Variants in GRM7 observed in about 807,000 individuals in gnomAD.
GRM7 encodes metabotropic glutamate receptor 7.
Under a neutral mutation model 84.5 loss-of-function variants are expected in GRM7, and 35 were observed. The ratio of observed to expected loss-of-function variants is 0.41; its 90% CI spans 0.32 to 0.55. GRM7 has a LOEUF of 0.55. Ranked by LOEUF, GRM7 falls within the 20% of genes least tolerant of loss-of-function variation. The pLI, the probability that GRM7 is intolerant of heterozygous loss-of-function variation, is 0.19. For synonymous variants in GRM7, 487 were observed against 455.1 expected (o/e 1.07, Z -0.89); for missense variants, 1,003 against 1,194.6 (o/e 0.84, Z 2.36).
Position 7,656,518 on chromosome 3 carries a change from A to ATAT in GRM7, c.2452-23531_2452-23530insTAT, listed in dbSNP as rs1298850673. ...CTCAAAAAACAAACAAACAAATAAA[A>ATAT]AAAAATATATATATATATATACGCG... On this transcript the variant is annotated intron_variant, in intron 8 of 9. Coordinates refer to ENST00000357716, the MANE Select transcript of GRM7 (RefSeq NM_000844.4). Among the ~76,000 whole-genome samples, 411 of 93,280 alleles carry ATAT rather than the reference A, an allele frequency of 4.4e-3. 9 individuals carry two copies. In the East Asian group the frequency reaches 0.077, roughly 17 times the overall value. 61.2% of individuals were successfully genotyped at this position (93,280 alleles called of 152,430 possible).
chr3:7,099,841 A>G lies in GRM7; in HGVS notation c.520-46611A>G, dbSNP rs1157904893. Among the ~76,000 whole-genome samples the G allele has an allele frequency of 2.2e-5, 3 of 138,810 alleles. No individual in the cohort carries two copies. The East Asian group carries it at 6.2e-4, about 29-fold the overall frequency. 91.1% of individuals were successfully genotyped at this position (138,810 alleles called of 152,430 possible). A position where few individuals can be genotyped will look rare whatever the true frequency, so the allele number is the denominator to read the frequency against. On this transcript the variant is annotated intron_variant, in intron 1 of 9. Transcript: ENST00000357716. ...CATGTGCACATACATGTATATGTAC[A>G]CGCATTATACATGTGCACATATATG...
chr3:6,891,311 C>G (rs1233130021), intron 1 of GRM7, among the ~76,000 whole-genome samples: 1 of 152,176 alleles, frequency 6.6e-6, no homozygotes, highest in Non-Finnish European at 1.5e-5. Context: ...TTAGTTGATG[C>G]AGTTTCTTCC....
intron 2 of GRM7, among the ~76,000 whole-genome samples, chr3:7,231,069 T>C (rs563894113): frequency 1.3e-4 from 20 of 152,210 alleles, no homozygotes; most frequent in Admixed American, 4.6e-4. Flanking sequence ...GGGGAAGGAA[T>C]TGGGTGGTAG....
At chr3:7,732,367 C>T (rs909224023) in intron 9 of GRM7, among the ~76,000 whole-genome samples, 2 of 152,136 alleles carry the variant, frequency 1.3e-5, no homozygotes, top group Non-Finnish European at 2.9e-5. Context: ...CAGAAACACA[C>T]ATGAGAAATT....
intron 1 of GRM7, among the ~76,000 whole-genome samples, chr3:6,878,378 C>CGTGTGTGTGTGTGTGTGT: frequency 7.0e-6 from 1 of 142,056 alleles, no homozygotes; most frequent in East Asian, 2.1e-4. Flanking sequence ...TATGTGTTTG[C>CGTGTGTGTGTGTGTGTGT]GTGTGTGTGT....
chr3:7,737,851 T>A (rs1702556123), intron 9 of GRM7, among the ~76,000 whole-genome samples: 1 of 151,602 alleles, frequency 6.6e-6, no homozygotes, highest in Admixed American at 6.6e-5. Context: ...CAATTTTTTT[T>A]TTTTTTTTTT....
At chr3:7,584,776 G>A (rs1379567079) in intron 8 of GRM7, among the ~76,000 whole-genome samples, 3 of 152,154 alleles carry the variant, frequency 2.0e-5, no homozygotes, top group Non-Finnish European at 2.9e-5. Flanking sequence ...GAAAATATGC[G>A]AGTAGAGTAA....
chr3:7,335,365 T>A (rs538515549), intron 4 of GRM7, among the ~76,000 whole-genome samples: 86 of 152,088 alleles, frequency 5.7e-4, no homozygotes, highest in African/African-American at 1.9e-3. Context: ...TTGGATTGAA[T>A]AATAGTGACA....
intron 7 of GRM7, among the ~76,000 whole-genome samples, chr3:7,555,722 A>G (rs1693723938): frequency 6.6e-6 from 1 of 152,192 alleles, no homozygotes; most frequent in Non-Finnish European, 1.5e-5. Context: ...GGAGTAACTC[A>G]TAAAACATTA....
chr3:7,414,006 T>A (rs572651977), intron 4 of GRM7, among the ~76,000 whole-genome samples: 49 of 152,224 alleles, frequency 3.2e-4, no homozygotes, highest in Middle Eastern at 3.4e-3. Context: ...AGGTCCAAAT[T>A]CTTCTCTAAG....
At chr3:7,308,191 C>G (rs141983922) in intron 4 of GRM7, among the ~76,000 whole-genome samples, 23 of 152,150 alleles carry the variant, frequency 1.5e-4, no homozygotes, top group African/African-American at 5.6e-4. Context: ...TGGGGAGACC[C>G]TTTCCTCTTC....
At chr3:7,370,522 G>A (rs962614917) in intron 4 of GRM7, among the ~76,000 whole-genome samples, 9 of 152,008 alleles carry the variant, frequency 5.9e-5, no homozygotes, top group Non-Finnish European at 1.3e-4. Context: ...ACAGCCATGC[G>A]GAACTGTGAG....
chr3:7,145,117 G>A (rs1211839610), intron 1 of GRM7, among the ~76,000 whole-genome samples: 2 of 152,128 alleles, frequency 1.3e-5, no homozygotes, highest in Admixed American at 6.6e-5. Flanking sequence ...TTAATAGTGA[G>A]TAGAGTTTTC....
chr3:7,051,426 GAA>G (rs764621764), intron 1 of GRM7, among the ~76,000 whole-genome samples: 1 of 151,744 alleles, frequency 6.6e-6, no homozygotes, highest in Non-Finnish European at 1.5e-5. Flanking sequence ...TTGTGAAACT[GAA>G]TCCAAATGGC....
At chr3:7,737,844 T>A (rs1474211008) in intron 9 of GRM7, among the ~76,000 whole-genome samples, 2 of 107,044 alleles carry the variant, frequency 1.9e-5, no homozygotes, top group Admixed American at 8.6e-5. Flanking sequence ...ATTCTCCCAA[T>A]TTTTTTTTTT....
intron 1 of GRM7, among the ~76,000 whole-genome samples, chr3:7,105,185 A>AT (rs61301893): frequency 4.7e-5 from 7 of 150,282 alleles, no homozygotes; most frequent in Admixed American, 1.3e-4. Context: ...GTGGTAATGA[A>AT]TTTTTTTTTT....
chr3:7,455,612 T>C (rs1460278296), intron 6 of GRM7, among the ~76,000 whole-genome samples: 4 of 152,176 alleles, frequency 2.6e-5, no homozygotes, highest in Non-Finnish European at 5.9e-5. Flanking sequence ...AATTAAAAGA[T>C]GTTCTATAAA....
chr3:7,142,512 T>C (rs1306558617), intron 1 of GRM7, among the ~76,000 whole-genome samples: 2 of 152,062 alleles, frequency 1.3e-5, no homozygotes, highest in African/African-American at 4.8e-5. Context: ...TTGTGAGAAC[T>C]CAATCACTAT....
chr3:7,358,101 A>G (rs1693490576), intron 4 of GRM7, among the ~76,000 whole-genome samples: 2 of 152,134 alleles, frequency 1.3e-5, no homozygotes, highest in African/African-American at 2.4e-5. Context: ...ACACATGACA[A>G]ACAACTTTCC....
Sources: gnomAD v4.1 joint callset for allele counts (sites outside exome capture counted in the v4.1 genomes callset) on GRCh38, gnomAD v4.1.1 for gene constraint, MANE v1.5 for transcripts, NCBI Gene and HGNC (gene_info 2026-07-23, HGNC 2026-07-21) for gene names.